SVOP: variants seen among roughly 807,000 people sequenced by gnomAD.
SVOP encodes SV2 related protein.
A neutral mutation model predicts 69.1 loss-of-function variants in SVOP; 17 were observed. The observed-to-expected ratio is 0.25, with a 90% CI of 0.17 to 0.37. The LOEUF is 0.37. SVOP is among the 10% of genes least tolerant of loss of function. SVOP has a pLI of 1.00. For missense variants in SVOP, 435 were observed against 597.5 expected (o/e 0.73, Z 2.84); for synonymous variants, 238 against 238.6 (o/e 1.00, Z 0.02).
intron 1 of SVOP, among the ~76,000 whole-genome samples, chr12:109,011,732 G>C (rs1390998819): frequency 1.3e-5 from 2 of 152,156 alleles, no homozygotes; most frequent in Non-Finnish European, 2.9e-5. Context: ...AATGGATCAA[G>C]GAAATGTGGT....
Position 108,912,677 on chromosome 12 carries a change from G to A in SVOP, c.1505C>T (p.Ala502Val), listed in dbSNP as rs1344442479. Residue 502 changes from alanine to valine, a missense_variant, in exon 16 of 16, where the codon GCC becomes GTC. By Grantham distance (64) the Ala-to-Val change is moderately conservative. Coordinates refer to ENST00000610966, the MANE Select transcript of SVOP (RefSeq NM_018711.5). Reference protein sequence around the residue: ...AVYSGCCLLAALASCFLPIET... With the variant: ...AVYSGCCLLAVLASCFLPIET... ...AATGGGCAAAAAGCAGGAGGCCAGG[G>A]CAGCCAGGAGGCAGCAGCCACTGTA... The A allele has an allele frequency of 1.2e-6, 2 of 1,613,976 alleles. No individual in the cohort carries two copies. The highest frequency in any genetic ancestry group is 1.7e-5 in the Admixed American group (1 of 60,024).
At chr12:109,016,772 T>C (rs1419071261) in intron 1 of SVOP, among the ~76,000 whole-genome samples, 1 of 148,824 alleles carries the variant, frequency 6.7e-6, no homozygotes, top group Non-Finnish European at 1.5e-5. Context: ...AGACAGGATC[T>C]CACTCTGTCA....
intron 9 of SVOP, among the ~76,000 whole-genome samples, 157 bp from the exon 10 acceptor site, chr12:108,937,494 G>T (rs967658862): frequency 6.6e-6 from 1 of 152,102 alleles, no homozygotes; most frequent in Non-Finnish European, 1.5e-5. Context: ...TCTACAGGAC[G>T]CAGCCTCCCA....
At chr12:108,997,943 G>A (rs1433433046) in intron 1 of SVOP, among the ~76,000 whole-genome samples, 6 of 149,108 alleles carry the variant, frequency 4.0e-5, no homozygotes, top group Admixed American at 6.7e-5. Flanking sequence ...CACCAGCAAC[G>A]GAACAAAGCT....
rs141915601 is a variant in SVOP at position 109,018,423 on chromosome 12, G to C, written c.35+2411C>G. Among the ~76,000 whole-genome samples, 439 of 152,202 alleles carry C rather than the reference G, an allele frequency of 2.9e-3. 4 individuals are homozygous for C. The highest frequency in any genetic ancestry group is 4.5e-3 in the Admixed American group (69 of 15,260). On this transcript the variant is annotated intron_variant, in intron 1 of 15. Coordinates refer to ENST00000610966, the MANE Select transcript of SVOP (RefSeq NM_018711.5). ...CTCCCTTTCCCCATTCCCCAACCAT[G>C]TGAACTACTTAGTGGCTTATAATCT...
In SVOP at chr12:108,915,809, C is replaced by A. The variant is rs1223336443; in HGVS notation, c.1414G>T (p.Ala472Ser). 1 of 1,607,790 alleles carries A rather than the reference C, an allele frequency of 6.2e-7. No homozygotes were observed. The highest frequency in any genetic ancestry group is 8.5e-7 in the Non-Finnish European group (1 of 1,177,526). The change falls in exon 15 of 16, where the codon GCT (alanine) becomes TCT (serine). Residue 472 changes from alanine to serine, a missense_variant. Physicochemically the swap from Ala to Ser is moderately conservative, Grantham distance 99 (BLOSUM62 1). Coordinates refer to ENST00000610966, the MANE Select transcript of SVOP (RefSeq NM_018711.5). ...GTCSGMARVG[A>S]LITPFIAQVM... ...TGGGCGATGAACGGAGTGATGAGAGCACCCACTCTTGCCATGCCGCTGCAG... is the reference window on the plus strand; with the variant it reads ...TGGGCGATGAACGGAGTGATGAGAGAACCCACTCTTGCCATGCCGCTGCAG...
At chr12:108,925,048 T>C (rs1233706565) in intron 11 of SVOP, among the ~76,000 whole-genome samples, 1 of 152,046 alleles carries the variant, frequency 6.6e-6, no homozygotes, top group South Asian at 2.1e-4. Flanking sequence ...AATCAAAGAA[T>C]CTCTAAGTCC....
At chr12:108,966,347 T>G (rs2040045513) in intron 5 of SVOP, among the ~76,000 whole-genome samples, 1 of 152,202 alleles carries the variant, frequency 6.6e-6, no homozygotes. Flanking sequence ...CACCTACAGT[T>G]TCCTTCACGT....
At position 109,009,938 on chromosome 12, in the gene SVOP, G is replaced by A. The variant is rs543671420; in HGVS notation, c.35+10896C>T. ...TAGTGTTGAGGCTGAGAAACCCTGG[G>A]TTAAAGAGTGAATGAGATACTATTA... On this transcript the variant is annotated intron_variant, in intron 1 of 15. Coordinates refer to ENST00000610966, the MANE Select transcript of SVOP (RefSeq NM_018711.5). Among the ~76,000 whole-genome samples the A allele has an allele frequency of 1.1e-3, 161 of 152,064 alleles. 4 individuals are homozygous for A. The South Asian group carries it at 0.02, about 18-fold the overall frequency.
chr12:108,987,307 C>T (rs539183562), intron 1 of SVOP, among the ~76,000 whole-genome samples: 1 of 152,286 alleles, frequency 6.6e-6, no homozygotes, highest in South Asian at 2.1e-4. Context: ...AATAATATTC[C>T]ATTGTGTGGA....
chr12:108,984,194 T>C (rs1298877098), intron 1 of SVOP, among the ~76,000 whole-genome samples: 1 of 152,178 alleles, frequency 6.6e-6, no homozygotes, highest in Non-Finnish European at 1.5e-5. Flanking sequence ...ATGCCATTTT[T>C]TAGAATAGAG....
intron 6 of SVOP, among the ~76,000 whole-genome samples, chr12:108,948,640 T>C (rs1486370211): frequency 6.6e-6 from 1 of 152,206 alleles, no homozygotes; most frequent in African/African-American, 2.4e-5. Flanking sequence ...GTCTTTGTCT[T>C]CACATTGTTT....
At chr12:109,014,097 C>A (rs970495767) in intron 1 of SVOP, among the ~76,000 whole-genome samples, 4 of 149,362 alleles carry the variant, frequency 2.7e-5, no homozygotes, top group Admixed American at 6.7e-5. Flanking sequence ...CTCATTGGGA[C>A]CTCCATCTCC....
chr12:108,917,015 G>A (rs1296917468), intron 14 of SVOP, among the ~76,000 whole-genome samples: 1 of 152,226 alleles, frequency 6.6e-6, no homozygotes, highest in Non-Finnish European at 1.5e-5. Context: ...CCGAAGTGCT[G>A]GGTTTACAGG....
In SVOP at chr12:108,978,407, G is replaced by A; in HGVS notation, c.282+171C>T. 6 of 565,460 alleles carry A rather than the reference G, an allele frequency of 1.1e-5. No individual in the cohort carries two copies. In the South Asian group the frequency reaches 1.1e-4, roughly 11 times the overall value. 35.0% of individuals were successfully genotyped at this position (565,460 alleles called of 1,614,324 possible). A position where few individuals can be genotyped will look rare whatever the true frequency, so the allele number is the denominator to read the frequency against. ...GCCAAACACACCCAGCTCTCCTCAA[G>A]CACAGATCTCGTTATCACCACTTAT... On this transcript the variant is annotated intron_variant, in intron 3 of 15. Transcript: ENST00000610966.
At chr12:108,943,324 G>A (rs368877006) in intron 7 of SVOP, among the ~76,000 whole-genome samples, 41 of 151,624 alleles carry the variant, frequency 2.7e-4, no homozygotes, top group African/African-American at 8.7e-4. Flanking sequence ...GTAGCCGGGC[G>A]CAGTGGCTCA....
At position 108,912,190 on chromosome 12, in the gene SVOP, T is replaced by C. The variant is rs560744246; in HGVS notation, c.*345A>G. 33 of 1,156,678 alleles carry C rather than the reference T, an allele frequency of 2.9e-5. No homozygotes were observed. The East Asian group carries it at 5.4e-4, about 19-fold the overall frequency. 71.7% of individuals were successfully genotyped at this position (1,156,678 alleles called of 1,614,324 possible). On this transcript the variant is annotated 3_prime_UTR_variant, in exon 16 of 16. Transcript: ENST00000610966. Reference sequence around the variant, plus strand: ...GGACGGTATCTACAGAGAGATATTTTGGTTGTTCACTGAGGGTTTGGCCGG... The same window carrying C: ...GGACGGTATCTACAGAGAGATATTTCGGTTGTTCACTGAGGGTTTGGCCGG...
At chr12:109,020,590 C>G (rs1359469403) in intron 1 of SVOP, among the ~76,000 whole-genome samples, 1 of 151,948 alleles carries the variant, frequency 6.6e-6, no homozygotes, top group Admixed American at 6.6e-5. Context: ...GGAATCATAA[C>G]CCCCGTGGTT....
intron 1 of SVOP, among the ~76,000 whole-genome samples, chr12:108,990,435 C>G (rs1480925773): frequency 6.7e-6 from 1 of 148,744 alleles, no homozygotes; most frequent in African/African-American, 2.5e-5. Flanking sequence ...CGCATGTTCT[C>G]ACTCATAGGT....
Sources: allele counts gnomAD v4.1 joint callset (sites outside exome capture counted in the v4.1 genomes callset), GRCh38; gene constraint gnomAD v4.1.1; transcripts MANE v1.5; gene names NCBI Gene and HGNC (gene_info 2026-07-23, HGNC 2026-07-21).